Variants in ASH1L observed in about 807,000 individuals in gnomAD.
ASH1L encodes the protein histone-lysine N-methyltransferase ASH1L.
Under a neutral mutation model 269.0 loss-of-function variants are expected in ASH1L, and 23 were observed. The ratio of observed to expected loss-of-function variants is 0.09; its 90% CI spans 0.06 to 0.12. ASH1L has a LOEUF of 0.12. Ranked by LOEUF, ASH1L falls within the 10% of genes least tolerant of loss-of-function variation. The probability of loss-of-function intolerance (pLI) is 1.00; values close to 1 mark genes in which losing one functional copy is unlikely to be tolerated. For missense variants in ASH1L, 2,912 were observed against 3,567.8 expected, an observed-to-expected ratio of 0.82 and a Z score of 4.68; for synonymous variants, 1,187 against 1,253.5, an observed-to-expected ratio of 0.95 and a Z score of 1.12.
intron 1 of ASH1L, among the ~76,000 whole-genome samples, chr1:155,529,973 T>TA (rs956508664): frequency 1.0e-4 from 15 of 148,566 alleles, no homozygotes; most frequent in African/African-American, 2.5e-4. Context: ...CAAAAAAAAA[T>TA]AAAAAAAATA....
At chr1:155,494,908 A>T (rs1667047191) in intron 2 of ASH1L, among the ~76,000 whole-genome samples, 1 of 152,062 alleles carries the variant, frequency 6.6e-6, no homozygotes, top group African/African-American at 2.4e-5. Flanking sequence ...ATGAAGATTG[A>T]GAAGCCAGAA....
Position 155,395,481 on chromosome 1 carries a change from T to C in ASH1L, c.6081A>G (p.Leu2027=). 1 of 1,610,706 alleles carries C rather than the reference T, an allele frequency of 6.2e-7. No homozygotes were observed. The highest frequency in any genetic ancestry group is 8.5e-7 in the Non-Finnish European group (1 of 1,178,718). ...EYTPGEHEYG[L]FPAPIHVGKY... ...TACCAACATGAATGGGCGCTGGAAA[T>C]AATCCATATTCATGCTCTCCTGGAG... Residue 2027 remains leucine, a synonymous_variant, in exon 7 of 28, where the codon TTA becomes TTG. Transcript: ENST00000392403.
rs780765054 is a variant in ASH1L, at chr1:155,433,373, C to G, written c.5828+4954G>C. On this transcript the variant is annotated intron_variant, in intron 5 of 27. Transcript: ENST00000392403. Reference sequence around the variant, plus strand: ...GGTGTGGGGGATTCCCCCATGCCCCCCGCTGTATGAGTTCTGTGGGGGGAT... The same window carrying G: ...GGTGTGGGGGATTCCCCCATGCCCCGCGCTGTATGAGTTCTGTGGGGGGAT... The G allele has an allele frequency of 3.1e-6, 5 of 1,597,970 alleles. No individual in the cohort carries two copies. In the South Asian group the frequency reaches 4.5e-5, roughly 14 times the overall value.
At chr1:155,440,413 T>C (rs1251212787) in intron 4 of ASH1L, 1 of 181,806 alleles carries the variant, frequency 5.5e-6, no homozygotes, top group East Asian at 1.9e-4. Flanking sequence ...ATAATATCCT[T>C]TGATTAACTT....
chr1:155,511,658 A>C (rs960421362), intron 2 of ASH1L, among the ~76,000 whole-genome samples: 3 of 152,160 alleles, frequency 2.0e-5, no homozygotes, highest in Admixed American at 1.3e-4. Flanking sequence ...GGCGTGAGCC[A>C]CCACACCCAG....
rs926394087 is a variant in ASH1L, at chr1:155,434,372, A to G, written c.5828+3955T>C. 1.2e-5 allele frequency: 18 copies of G among 1,476,204 alleles called. No homozygotes were observed. The African/African-American group carries it at 2.4e-4, about 20-fold the overall frequency. The allele number at this position is 1,476,204 out of a possible 1,614,324, so 91.4% of individuals were successfully genotyped here. ...AATTAAGTTCTTCATTCACTAAGGA[A>G]GGAATTGGGAACACAAAGGGTGGGG... On this transcript the variant is annotated intron_variant, in intron 5 of 27. Coordinates refer to ENST00000392403, the MANE Select transcript of ASH1L (RefSeq NM_018489.3).
At chr1:155,462,564 T>C (rs543369046) in intron 3 of ASH1L, among the ~76,000 whole-genome samples, 2 of 152,270 alleles carry the variant, frequency 1.3e-5, no homozygotes, top group African/African-American at 4.8e-5. Context: ...ATGGAGATCA[T>C]TATTGGCAGC....
At chr1:155,346,207 C>A in intron 21 of ASH1L, 176 bp downstream of exon 21, 1 of 1,527,742 alleles carries the variant, frequency 6.5e-7, no homozygotes, top group Non-Finnish European at 8.8e-7. Context: ...TGGTCATACT[C>A]CTGAAATAGG....
chr1:155,363,887 C>T (rs781654835), intron 12 of ASH1L, among the ~76,000 whole-genome samples: 5 of 151,576 alleles, frequency 3.3e-5, no homozygotes, highest in Non-Finnish European at 7.4e-5. Context: ...GCACGAGAAT[C>T]GCTTGAACCC....
chr1:155,490,836 G>A (rs925122559), intron 2 of ASH1L, among the ~76,000 whole-genome samples: 2 of 151,756 alleles, frequency 1.3e-5, no homozygotes, highest in Non-Finnish European at 2.9e-5. Flanking sequence ...AGTGGTGCAT[G>A]CCTGTAGTTT....
At chr1:155,342,923 G>A (rs1170016731) in intron 24 of ASH1L, 1 of 159,578 alleles carries the variant, frequency 6.3e-6, no homozygotes, top group Non-Finnish European at 1.4e-5. Context: ...TTCATAGCTA[G>A]CCTTGGAGAA....
At chr1:155,508,193 T>G (rs1230908858) in intron 2 of ASH1L, among the ~76,000 whole-genome samples, 1 of 152,182 alleles carries the variant, frequency 6.6e-6, no homozygotes, top group South Asian at 2.1e-4. Context: ...AATACTGCTG[T>G]AGAAAAATGA....
At chr1:155,382,241 G>T (rs545313416) in intron 7 of ASH1L, among the ~76,000 whole-genome samples, 25 of 152,162 alleles carry the variant, frequency 1.6e-4, no homozygotes, top group Admixed American at 1.3e-3. Context: ...GCTCACGCCT[G>T]TAATCCCAGC....
chr1:155,449,510 A>G (rs1368367420), intron 4 of ASH1L, among the ~76,000 whole-genome samples: 1 of 151,798 alleles, frequency 6.6e-6, no homozygotes, highest in African/African-American at 2.4e-5. Flanking sequence ...AGAATATGAG[A>G]AAAATGTGGT....
At position 155,557,008 on chromosome 1, in the gene ASH1L, C is replaced by A. The variant is rs191290473; in HGVS notation, c.-100+5145G>T. ...TTATGCTCGTACCACGGCACCCTAG[C>A]CTGGGTGACATAGTAAGACCCTGTC... On this transcript the variant is annotated intron_variant, in intron 1 of 27. Coordinates refer to ENST00000392403, the MANE Select transcript of ASH1L (RefSeq NM_018489.3). Among the ~76,000 whole-genome samples, 6 of 152,192 alleles carry A rather than the reference C, an allele frequency of 3.9e-5. No homozygotes were observed. In the East Asian group the frequency reaches 1.2e-3, roughly 29 times the overall value.
rs1234457199 is a variant in ASH1L, at chr1:155,478,650, G to A, written c.4220C>T (p.Thr1407Ile). Residue 1407 changes from threonine to isoleucine, a missense_variant, in exon 3 of 28, where the codon ACT becomes ATT. This residue lies in a region of ASH1L where 789 missense variants were observed against 897.6 expected (regional missense o/e 0.88). Coordinates refer to ENST00000392403, the MANE Select transcript of ASH1L (RefSeq NM_018489.3). The surrounding 1 kb of genome is among the most constrained non-coding windows in gnomAD (Gnocchi z 4.6). ...GLGYYGRYPP[T>I]LYPPPPSPSF... ...AGGAGATGGAGGAGGTGGATAAAGA[G>A]TGGGAGGATACCTTCCATAGTAACC... The A allele has an allele frequency of 2.5e-6, 4 of 1,613,936 alleles. No homozygotes were observed. The Admixed American group carries it at 6.7e-5, about 27-fold the overall frequency.
At chr1:155,411,678 C>T (rs971060897) in intron 6 of ASH1L, among the ~76,000 whole-genome samples, 5 of 141,868 alleles carry the variant, frequency 3.5e-5, no homozygotes, top group Non-Finnish European at 3.0e-5. Context: ...TGTTGGGGCA[C>T]TTTAAGTCTC....
intron 6 of ASH1L, among the ~76,000 whole-genome samples, chr1:155,412,270 G>A (rs1190338488): frequency 6.6e-6 from 1 of 151,524 alleles, no homozygotes; most frequent in Non-Finnish European, 1.5e-5. Context: ...TTAGCTGGGT[G>A]TGGTGACAGG....
chr1:155,544,453 AT>A (rs903759312), intron 1 of ASH1L, among the ~76,000 whole-genome samples: 1 of 151,502 alleles, frequency 6.6e-6, no homozygotes, highest in African/African-American at 2.4e-5. Context: ...CGACCAGCCA[AT>A]TTTTTTGTAT....
Sources: gnomAD v4.1 joint callset for allele counts (sites outside exome capture counted in the v4.1 genomes callset) on GRCh38, gnomAD v4.1.1 for gene constraint, gnomAD v4.1.1 regional missense constraint, Gnocchi (gnomAD v3.1) non-coding constraint, MANE v1.5 for transcripts, NCBI Gene and HGNC (gene_info 2026-07-23, HGNC 2026-07-21) for gene names.